The following PCDHA5 variants were observed in gnomAD, a reference collection of about 807,000 sequenced individuals.
The protein encoded by PCDHA5 is protocadherin alpha-5.
PCDHA5 carries 43 observed loss-of-function variants against 61.6 expected under a neutral mutation model. That is an observed-to-expected ratio of 0.70 (90% CI 0.55 to 0.90). PCDHA5 has a LOEUF of 0.90. Among genes scored for constraint, PCDHA5 ranks in the 40% least tolerant of loss-of-function variants. The pLI is 0.00. For synonymous variants in PCDHA5, 627 were observed against 543.9 expected, an observed-to-expected ratio of 1.15 and a Z score of -2.13; for missense variants, 1,298 against 1,222.7, an observed-to-expected ratio of 1.06 and a Z score of -0.92.
intron 1 of PCDHA5, chr5:140,875,761 G>A (rs373515339): frequency 1.9e-6 from 3 of 1,614,236 alleles, no homozygotes; most frequent in East Asian, 2.2e-5. Flanking sequence ...GAAGCTGTGC[G>A]GGCGGAGCGC....
rs781833961 is a variant in PCDHA5 at position 140,836,399 on chromosome 5, C to A, written c.2352+12272C>A. 2 of 1,613,764 alleles carry A rather than the reference C, an allele frequency of 1.2e-6. No homozygotes were observed. The highest frequency in any genetic ancestry group is 8.5e-7 in the Non-Finnish European group (1 of 1,179,846). On this transcript the variant is annotated intron_variant, in intron 1 of 3. Coordinates refer to ENST00000529859, the MANE Select transcript of PCDHA5 (RefSeq NM_018908.3). ...CCGTGCTGGTGTCGCTGGTGGAAAG[C>A]GGCCAGGCACCAAAGGCGTCGTCGC...
Position 140,824,115 on chromosome 5 carries a change from C to T in PCDHA5, c.2340C>T (p.Thr780=). ...AFSPSLPQGP[T]STDNPRQPNP... is the part of the protein sequence containing the mutation. Reference sequence around the variant, plus strand: ...GTCCAAGCCTTCCTCAGGGTCCCACCTCTACAGACAACGTGAGTTTTCTAA... The same window carrying T: ...GTCCAAGCCTTCCTCAGGGTCCCACTTCTACAGACAACGTGAGTTTTCTAA... The change falls in exon 1 of 4, where the codon ACC becomes ACT. Residue 780 remains threonine (T), a synonymous_variant. Coordinates refer to ENST00000529859, the MANE Select transcript of PCDHA5 (RefSeq NM_018908.3). 6.2e-7 allele frequency: 1 copy of T among 1,613,932 alleles called. No individual in the cohort carries two copies. The highest frequency in any genetic ancestry group is 1.1e-5 in the South Asian group (1 of 91,084).
chr5:141,007,366 CATG>C (rs1319534619), intron 3 of PCDHA5, among the ~76,000 whole-genome samples: 13 of 118,904 alleles, frequency 1.1e-4, no homozygotes, highest in Admixed American at 7.7e-4. Flanking sequence ...GCCTGGGCAA[CATG>C]ATGGAACACC....
chr5:140,981,612 T>C (rs2096940396), intron 2 of PCDHA5, among the ~76,000 whole-genome samples: 1 of 152,110 alleles, frequency 6.6e-6, no homozygotes, highest in Non-Finnish European at 1.5e-5. Context: ...CCTCTAATTT[T>C]GATGAGGGTT....
At chr5:140,870,430 G>C (rs782773036) in intron 1 of PCDHA5, 6 of 1,614,226 alleles carry the variant, frequency 3.7e-6, no homozygotes, top group Non-Finnish European at 5.1e-6. Context: ...GGTATCCGTG[G>C]AGGTGGCCGA....
In PCDHA5 at chr5:140,857,169, C is replaced by T. The variant is rs199584063; in HGVS notation, c.2352+33042C>T. On this transcript the variant is annotated intron_variant, in intron 1 of 3. Coordinates refer to ENST00000529859, the MANE Select transcript of PCDHA5 (RefSeq NM_018908.3). ...ACCGTCATTGCCCTAATCAGCGTTTCTGACCATGATTCAGGAGCCAACGGA... is the reference window on the plus strand; with the variant it reads ...ACCGTCATTGCCCTAATCAGCGTTTTTGACCATGATTCAGGAGCCAACGGA... 2.2e-5 allele frequency: 35 copies of T among 1,598,474 alleles called. 1 individual carries two copies. The East Asian group carries it at 7.4e-4, about 34-fold the overall frequency.
At chr5:140,836,286 C>T (rs146878440) in intron 1 of PCDHA5, 2 of 1,613,774 alleles carry the variant, frequency 1.2e-6, no homozygotes, top group South Asian at 1.1e-5. Context: ...CAGCACGACA[C>T]GAGCCCTAGA....
In PCDHA5 at chr5:140,822,889, A is replaced by G. The variant is rs1554128942; in HGVS notation, c.1114A>G (p.Ser372Gly). The change falls in exon 1 of 4, where the codon AGC becomes GGC. Residue 372 changes from serine (S) to glycine (G), a missense_variant. By Grantham distance (56) the Ser-to-Gly change is moderately conservative (BLOSUM62 0). Coordinates refer to ENST00000529859, the MANE Select transcript of PCDHA5 (RefSeq NM_018908.3). ...APLSTVIALI[S>G]VSDRDSGANG... ...ACTCAGCACGGTCATTGCTCTGATC[A>G]GCGTGTCTGACCGTGACTCAGGTGC... is the stretch of plus-strand genomic sequence containing the variant. 6.2e-7 allele frequency: 1 copy of G among 1,614,078 alleles called. No individual in the cohort carries two copies. The highest frequency in any genetic ancestry group is 2.2e-5 in the East Asian group (1 of 44,894).
intron 1 of PCDHA5, chr5:140,858,664 AATTT>A: frequency 1.4e-6 from 1 of 728,728 alleles, no homozygotes; most frequent in Non-Finnish European, 2.2e-6. Flanking sequence ...TTTAAATAAC[AATTT>A]ATTCTGAATA....
intron 1 of PCDHA5, among the ~76,000 whole-genome samples, chr5:140,951,450 C>A: frequency 6.6e-6 from 1 of 151,922 alleles, no homozygotes; most frequent in East Asian, 1.9e-4. Flanking sequence ...ATGATGCCGG[C>A]CATCTGCTTG....
At chr5:140,849,666 C>T (rs2041028520) in intron 1 of PCDHA5, 2 of 1,598,568 alleles carry the variant, frequency 1.3e-6, no homozygotes, top group African/African-American at 1.3e-5. Context: ...CTCCCTGACG[C>T]CCCACGTCCC....
intron 1 of PCDHA5, among the ~76,000 whole-genome samples, chr5:140,919,522 CT>C (rs1554199133): frequency 1.3e-5 from 2 of 152,000 alleles, no homozygotes; most frequent in Non-Finnish European, 2.9e-5. Flanking sequence ...TTTTAATTCT[CT>C]TTTTTTCCTA....
rs2084561103 is a variant in PCDHA5 at position 140,927,726 on chromosome 5, A to G, written c.2353-51223A>G. On this transcript the variant is annotated intron_variant, in intron 1 of 3. Transcript: ENST00000529859. ...ACTCCCTAAGCAACAGCACGCAAGCAGAGCTGCGACACCGCTTTCACGTGC... is the reference window on the plus strand; with the variant it reads ...ACTCCCTAAGCAACAGCACGCAAGCGGAGCTGCGACACCGCTTTCACGTGC... 6 of 1,614,220 alleles carry G rather than the reference A, an allele frequency of 3.7e-6. No individual in the cohort carries two copies. The African/African-American group carries it at 8.0e-5, about 22-fold the overall frequency.
chr5:140,870,970 G>A, intron 1 of PCDHA5: 4 of 1,613,652 alleles, frequency 2.5e-6, no homozygotes, highest in Non-Finnish European at 3.4e-6. Context: ...CCCGTTCCGC[G>A]TGGGGCTGTA....
chr5:140,985,902 T>G (rs1026675848), intron 3 of PCDHA5, among the ~76,000 whole-genome samples: 2 of 151,212 alleles, frequency 1.3e-5, no homozygotes, highest in Non-Finnish European at 2.9e-5. Flanking sequence ...ACCACTCCCG[T>G]CTAATTTTTT....
intron 1 of PCDHA5, chr5:140,841,947 A>T: frequency 6.2e-7 from 1 of 1,613,886 alleles, no homozygotes; most frequent in Non-Finnish European, 8.5e-7. Context: ...CCTGCGCACC[A>T]CTTATTCCTG....
In PCDHA5 at chr5:140,927,982, G is replaced by T. The variant is rs114786796; in HGVS notation, c.2353-50967G>T. 280 of 1,614,224 alleles carry T rather than the reference G, an allele frequency of 1.7e-4. No individual in the cohort carries two copies. The African/African-American group carries it at 3.0e-3, about 17-fold the overall frequency. On this transcript the variant is annotated intron_variant, in intron 1 of 3. Transcript: ENST00000529859. ...TGGCACAGTGATTGCTCTCTTTAGT[G>T]TAAAGGATGAAGACCTCGATTCTAA...
At position 140,836,427 on chromosome 5, in the gene PCDHA5, G is replaced by T. The variant is rs2150260736; in HGVS notation, c.2352+12300G>T. ...CCAGGCACCAAAGGCGTCGTCGCGG[G>T]CATCGTTGGGCATTGCAGGCCCAGA... On this transcript the variant is annotated intron_variant, in intron 1 of 3. Coordinates refer to ENST00000529859, the MANE Select transcript of PCDHA5 (RefSeq NM_018908.3). 2.5e-6 allele frequency: 4 copies of T among 1,613,858 alleles called. No individual in the cohort carries two copies. In the South Asian group the frequency reaches 3.3e-5, roughly 13 times the overall value.
chr5:140,875,826 T>C lies in PCDHA5; in HGVS notation c.2352+51699T>C, dbSNP rs367888868. ...TGGACAGGCCGCTGCAGGTTTTCCA[T>C]GTGGACGTGGAGGTGAAGGACATTA... is the stretch of plus-strand genomic sequence containing the variant. On this transcript the variant is annotated intron_variant, in intron 1 of 3. Coordinates refer to ENST00000529859, the MANE Select transcript of PCDHA5 (RefSeq NM_018908.3). 25 of 1,614,126 alleles carry C rather than the reference T, an allele frequency of 1.5e-5. No homozygotes were observed. In the African/African-American group the frequency reaches 2.3e-4, roughly 15 times the overall value.
Sources: gnomAD v4.1 joint callset for allele counts (sites outside exome capture counted in the v4.1 genomes callset) on GRCh38, gnomAD v4.1.1 for gene constraint, MANE v1.5 for transcripts, NCBI Gene and HGNC (gene_info 2026-07-23, HGNC 2026-07-21) for gene names.